NRG2: variants seen among roughly 807,000 people sequenced by gnomAD.
The protein encoded by NRG2 is pro-neuregulin-2, membrane-bound isoform.
A neutral mutation model predicts 73.9 loss-of-function variants in NRG2; 27 were observed. The observed-to-expected ratio is 0.37, with a 90% CI of 0.27 to 0.50. NRG2 has a LOEUF of 0.50. NRG2 is among the 20% of genes least tolerant of loss of function. The probability of loss-of-function intolerance (pLI) is 0.96; values close to 1 mark genes in which losing one functional copy is unlikely to be tolerated. For synonymous variants in NRG2, 532 were observed against 541.0 expected, an observed-to-expected ratio of 0.98 and a Z score of 0.23; for missense variants, 1,126 against 1,210.1, an observed-to-expected ratio of 0.93 and a Z score of 1.03.
chr5:139,984,627 A>C (rs1345293760), intron 1 of NRG2, among the ~76,000 whole-genome samples: 1 of 152,226 alleles, frequency 6.6e-6, no homozygotes, highest in African/African-American at 2.4e-5. Flanking sequence ...AGCATTTATT[A>C]ACTTTTAAAA....
intron 5 of NRG2, among the ~76,000 whole-genome samples, chr5:139,862,929 G>T (rs867990601): frequency 1.9e-4 from 29 of 152,220 alleles, no homozygotes; most frequent in Admixed American, 1.3e-4. Flanking sequence ...TTTGATCTCT[G>T]CAAAAGATAA....
chr5:139,855,194 CT>C (rs772908814), intron 6 of NRG2, among the ~76,000 whole-genome samples: 1 of 152,190 alleles, frequency 6.6e-6, no homozygotes, highest in Non-Finnish European at 1.5e-5. Flanking sequence ...ATCTGTCTTT[CT>C]TTGGGAATGA....
chr5:139,885,405 G>A lies in NRG2; in HGVS notation c.872+1935C>T, dbSNP rs113561072. Reference sequence around the variant, plus strand: ...AGCCAGGAAGTGCAAAGATAACTGCGGTTTCTCCAGGACCACAGCCATCGA... The same window carrying A: ...AGCCAGGAAGTGCAAAGATAACTGCAGTTTCTCCAGGACCACAGCCATCGA... On this transcript the variant is annotated intron_variant, in intron 2 of 9. Transcript: ENST00000361474. 1.3e-3 allele frequency among the ~76,000 whole-genome samples: 203 copies of A among 152,304 alleles called. 1 individual carries two copies. Among genetic ancestry groups the A allele is most frequent in the East Asian group, 1.7e-3 (9 of 5,186 alleles).
Position 139,847,661 on chromosome 5 carries a change from T to G in NRG2, c.*256A>C. ...GCCCATCTCTCTTTTTTTTTTGTTG[T>G]TTCTTTTTTTTTTCCGAAGCTGTAA... On this transcript the variant is annotated 3_prime_UTR_variant, in exon 10 of 10. Transcript: ENST00000361474. The G allele has an allele frequency of 6.1e-6, 2 of 326,172 alleles. No individual in the cohort carries two copies. The highest frequency in any genetic ancestry group is 4.9e-5 in the Admixed American group (1 of 20,494). 20.2% of individuals were successfully genotyped at this position (326,172 alleles called of 1,614,324 possible). A position where few individuals can be genotyped will look rare whatever the true frequency, so the allele number is the denominator to read the frequency against.
intron 5 of NRG2, among the ~76,000 whole-genome samples, chr5:139,861,355 C>T (rs1417438555): frequency 1.3e-5 from 2 of 152,192 alleles, no homozygotes; most frequent in Non-Finnish European, 2.9e-5. Context: ...GGAAGTCCTG[C>T]GCATTATCCA....
rs751578792 is a variant in NRG2, at chr5:139,871,802, T to C, written c.1031A>G (p.Lys344Arg). 1.2e-6 allele frequency: 2 copies of C among 1,614,126 alleles called. No individual in the cohort carries two copies. Among genetic ancestry groups the C allele is most frequent in the Non-Finnish European group, 1.7e-6 (2 of 1,179,996 alleles). The change falls in exon 4 of 10, where the codon AAG becomes AGG. Residue 344 changes from lysine to arginine, a missense_variant. Around this residue, in one of 3 missense-constraint regions of NRG2, gnomAD observed 539 missense variants for 703.2 expected, o/e 0.77. Coordinates refer to ENST00000361474, the MANE Select transcript of NRG2 (RefSeq NM_004883.3). ...TLSSWSGHAR[K>R]CNETAKSYCV... is the part of the protein sequence containing the mutation. ...ATAGGACTTGGCTGTCTCGTTGCAC[T>C]TCCGGGCGTGCCCCGACCAGGATGA...
chr5:139,956,667 T>C (rs1288979067), intron 1 of NRG2, among the ~76,000 whole-genome samples: 1 of 152,154 alleles, frequency 6.6e-6, no homozygotes, highest in Non-Finnish European at 1.5e-5. Flanking sequence ...GTGGAAGCAA[T>C]GGCCACGTAG....
chr5:140,017,730 C>T (rs111943636), intron 1 of NRG2, among the ~76,000 whole-genome samples: 4 of 152,040 alleles, frequency 2.6e-5, no homozygotes, highest in South Asian at 2.1e-4. Flanking sequence ...ACAAGAGGTA[C>T]GGGCTGTTCT....
intron 1 of NRG2, among the ~76,000 whole-genome samples, chr5:140,009,853 C>A (rs191878565): frequency 3.9e-5 from 6 of 152,144 alleles, no homozygotes; most frequent in Non-Finnish European, 4.4e-5. Flanking sequence ...GGACGCCAAT[C>A]GGAAAAGCTT....
chr5:139,990,174 G>A (rs1561734271), intron 1 of NRG2, among the ~76,000 whole-genome samples: 3 of 151,976 alleles, frequency 2.0e-5, no homozygotes, highest in Non-Finnish European at 4.4e-5. Context: ...ATTTCTGTTG[G>A]ATATATATCT....
intron 1 of NRG2, among the ~76,000 whole-genome samples, chr5:139,897,449 T>G (rs1764617958): frequency 6.6e-6 from 1 of 152,074 alleles, no homozygotes; most frequent in Non-Finnish European, 1.5e-5. Flanking sequence ...CTAGAAGCAG[T>G]CTCTGCCTCA....
chr5:140,000,464 G>A (rs1025774336), intron 1 of NRG2, among the ~76,000 whole-genome samples: 4 of 152,258 alleles, frequency 2.6e-5, no homozygotes, highest in Non-Finnish European at 5.9e-5. Context: ...GAGGACTGAA[G>A]GGCAGCAGTC....
At chr5:139,949,664 A>G (rs1233021436) in intron 1 of NRG2, among the ~76,000 whole-genome samples, 1 of 152,244 alleles carries the variant, frequency 6.6e-6, no homozygotes. Flanking sequence ...ACTCTAAGGA[A>G]TGACCCCAGC....
intron 1 of NRG2, among the ~76,000 whole-genome samples, chr5:139,983,538 G>A (rs555229297): frequency 2.6e-5 from 4 of 152,166 alleles, no homozygotes; most frequent in South Asian, 2.1e-4. Flanking sequence ...CATTGCCCCT[G>A]GTTCTCCATT....
chr5:139,938,986 A>C (rs61493543), intron 1 of NRG2, among the ~76,000 whole-genome samples: 2 of 143,232 alleles, frequency 1.4e-5, no homozygotes, highest in Admixed American at 1.4e-4. Flanking sequence ...GGAAGGAAGG[A>C]AAGGAAGGAA....
intron 1 of NRG2, among the ~76,000 whole-genome samples, chr5:140,009,793 C>G (rs1361247301): frequency 6.6e-6 from 1 of 152,196 alleles, no homozygotes; most frequent in African/African-American, 2.4e-5. Context: ...AATGAGCTAT[C>G]AACCCATGAA....
In NRG2 at chr5:139,853,428, G is replaced by T. The variant is rs147243279; in HGVS notation, c.1293-401C>A. Among the ~76,000 whole-genome samples, 412 of 152,284 alleles carry T rather than the reference G, an allele frequency of 2.7e-3. No individual in the cohort carries two copies. Among genetic ancestry groups the T allele is most frequent in the African/African-American group, 9.6e-3 (397 of 41,546 alleles). On this transcript the variant is annotated intron_variant, in intron 6 of 9. Transcript: ENST00000361474. This position sits in a 1 kb window ranked among gnomAD's most constrained non-coding sequence, Gnocchi z 4.1. The stretch of plus-strand genomic sequence containing the variant: ...CTCTCTCTCCCTCATTCATTAATTT[G>T]GTATGTATTGAGTTATCACTATGTG...
At chr5:140,041,818 G>T (rs941451650) in intron 1 of NRG2, among the ~76,000 whole-genome samples, 5 of 152,176 alleles carry the variant, frequency 3.3e-5, no homozygotes, top group African/African-American at 1.2e-4. Context: ...CTCTGCCTGC[G>T]CCAGCGGTGT....
At chr5:140,007,773 A>G (rs1041215221) in intron 1 of NRG2, among the ~76,000 whole-genome samples, 1 of 152,214 alleles carries the variant, frequency 6.6e-6, no homozygotes, top group Non-Finnish European at 1.5e-5. Flanking sequence ...AAGGGAAGAC[A>G]GATATTATGC....
Sources: gnomAD v4.1 joint callset for allele counts (sites outside exome capture counted in the v4.1 genomes callset) on GRCh38, gnomAD v4.1.1 for gene constraint, gnomAD v4.1.1 regional missense constraint, Gnocchi (gnomAD v3.1) non-coding constraint, MANE v1.5 for transcripts, NCBI Gene and HGNC (gene_info 2026-07-23, HGNC 2026-07-21) for gene names.